LRP12: variants seen among roughly 807,000 people sequenced by gnomAD.
LRP12 encodes the protein low-density lipoprotein receptor-related protein 12.
In LRP12, 14 loss-of-function variants were observed where a neutral mutation model predicts 66.0. The ratio of observed to expected loss-of-function variants is 0.21; its 90% CI spans 0.14 to 0.33. The LOEUF (loss-of-function observed/expected upper bound fraction) is 0.33, where lower values mean the gene tolerates loss of function less well. Ranked by LOEUF, LRP12 falls within the 10% of genes least tolerant of loss-of-function variation. LRP12 has a pLI of 1.00. For synonymous variants in LRP12, 357 were observed against 359.1 expected (o/e 0.99, Z 0.07); for missense variants, 889 against 1,053.4 (o/e 0.84, Z 2.16).
chr8:104,558,013 C>T (rs562363735), intron 1 of LRP12, among the ~76,000 whole-genome samples: 1 of 152,228 alleles, frequency 6.6e-6, no homozygotes, highest in Admixed American at 6.5e-5. Flanking sequence ...AGTTCAAGAC[C>T]AGCCTGGCCA....
chr8:104,511,926 T>G (rs1811005333), intron 2 of LRP12, among the ~76,000 whole-genome samples: 1 of 152,096 alleles, frequency 6.6e-6, no homozygotes, highest in Non-Finnish European at 1.5e-5. Flanking sequence ...TGCTGCTGTT[T>G]CGTTAGTAAA....
intron 1 of LRP12, among the ~76,000 whole-genome samples, chr8:104,547,011 C>A (rs1811574683): frequency 7.8e-5 from 11 of 141,702 alleles, no homozygotes. Context: ...ATTATATATT[C>A]TGTATATAAT....
intron 2 of LRP12, among the ~76,000 whole-genome samples, chr8:104,509,676 G>A (rs1459505164): frequency 6.6e-6 from 1 of 152,170 alleles, no homozygotes; most frequent in Non-Finnish European, 1.5e-5. Flanking sequence ...CTTCCATTAA[G>A]TGAAAAGGTG....
Position 104,588,956 on chromosome 8 carries a change from G to T in LRP12, c.-59C>A. 8.7e-7 allele frequency: 1 copy of T among 1,154,848 alleles called. No homozygotes were observed. Among genetic ancestry groups the T allele is most frequent in the Non-Finnish European group, 1.2e-6 (1 of 827,040 alleles). 71.5% of individuals were successfully genotyped at this position (1,154,848 alleles called of 1,614,324 possible). ...GGAGGAGGAGGGAGGAGAAGCTGGA[G>T]GTAGACGACGCCGACGCCGCCGCCG... is the stretch of plus-strand genomic sequence containing the variant. On this transcript the variant is annotated 5_prime_UTR_variant, in exon 1 of 7. Transcript: ENST00000276654.
chr8:104,549,649 G>T (rs948637042), intron 1 of LRP12, among the ~76,000 whole-genome samples: 5 of 152,004 alleles, frequency 3.3e-5, no homozygotes, highest in Admixed American at 3.3e-4. Flanking sequence ...TGATCCGCCC[G>T]CCTCGGCCTC....
chr8:104,547,082 T>C (rs1375150587), intron 1 of LRP12, among the ~76,000 whole-genome samples: 1 of 145,002 alleles, frequency 6.9e-6, no homozygotes, highest in African/African-American at 2.5e-5. Flanking sequence ...AATATACAAT[T>C]CTATATCATA....
At chr8:104,580,248 G>C (rs1474638305) in intron 1 of LRP12, among the ~76,000 whole-genome samples, 1 of 151,920 alleles carries the variant, frequency 6.6e-6, no homozygotes, top group East Asian at 1.9e-4. Flanking sequence ...TGGGTGCGGT[G>C]GCTCACGCCT....
chr8:104,503,735 C>A (rs2140838247), intron 3 of LRP12, among the ~76,000 whole-genome samples: 1 of 152,264 alleles, frequency 6.6e-6, no homozygotes, highest in South Asian at 2.1e-4. Flanking sequence ...TATCTGTGAT[C>A]TTTAAGTTTG....
chr8:104,499,029 G>A (rs965617392), intron 4 of LRP12, among the ~76,000 whole-genome samples: 10 of 152,118 alleles, frequency 6.6e-5, no homozygotes, highest in African/African-American at 1.7e-4. Context: ...CTGGATATGC[G>A]TAAGCACTTG....
intron 6 of LRP12, 57 bp downstream of exon 6, chr8:104,495,020 C>G: frequency 6.5e-7 from 1 of 1,531,982 alleles, no homozygotes; most frequent in East Asian, 2.3e-5. Flanking sequence ...ATCATATATA[C>G]AGGCGCAGAT....
Position 104,513,045 on chromosome 8 carries a change from A to G in LRP12, c.137-3971T>C, listed in dbSNP as rs367587552. ...GACTGAATTTGGAATCTGGCTTCAG[A>G]TCTAGCCAGTGGCTTTTTTTCAACC... On this transcript the variant is annotated intron_variant, in intron 2 of 6. Coordinates refer to ENST00000276654, the MANE Select transcript of LRP12 (RefSeq NM_013437.5). 2.6e-5 allele frequency among the ~76,000 whole-genome samples: 4 copies of G among 152,306 alleles called. No homozygotes were observed. In the East Asian group the frequency reaches 5.8e-4, roughly 22 times the overall value.
chr8:104,550,410 T>G (rs952951750), intron 1 of LRP12, among the ~76,000 whole-genome samples: 2 of 152,178 alleles, frequency 1.3e-5, no homozygotes, highest in African/African-American at 4.8e-5. Context: ...AAGGAGGTGT[T>G]AGTCCAATTT....
rs767146133 is a variant in LRP12, at chr8:104,497,004, A to G, written c.1548T>C (p.Cys516=). The G allele has an allele frequency of 6.5e-7, 1 of 1,545,304 alleles. No homozygotes were observed. Among genetic ancestry groups the G allele is most frequent in the African/African-American group, 1.4e-5 (1 of 72,504 alleles). Residue 516 remains cysteine, a synonymous_variant, in exon 5 of 7, where the codon TGT becomes TGC. Transcript: ENST00000276654. The surrounding 1 kb of genome is among the most constrained non-coding windows in gnomAD (Gnocchi z 4.3). ...CAAACATTCTCAGAGAATAAAGCTT[A>G]CAAGTACATCCCAATGCTATGACGA... The part of the protein sequence containing the change: ...LLLVIALGCT[C]KLYSLRMFER...
chr8:104,521,813 T>C (rs2140854062), intron 2 of LRP12, among the ~76,000 whole-genome samples: 1 of 152,084 alleles, frequency 6.6e-6, no homozygotes, highest in East Asian at 1.9e-4. Context: ...GACATTTTTA[T>C]AACACTGGTC....
chr8:104,531,936 T>A lies in LRP12; in HGVS notation c.107A>T (p.Glu36Val). Residue 36 changes from glutamate (E) to valine (V), a missense_variant, in exon 2 of 7, where the codon GAA becomes GTA. Glu to Val is a moderately radical substitution (Grantham distance 121). Coordinates refer to ENST00000276654, the MANE Select transcript of LRP12 (RefSeq NM_013437.5). ...YGNGALAEHS[E>V]NVHISGVSTA... ...TGACACTCCTGAAATATGCACATTT[T>A]CAGAATGTTCTGCAAGAGCACCATT... 1.9e-6 allele frequency: 3 copies of A among 1,592,314 alleles called. No individual in the cohort carries two copies. The highest frequency in any genetic ancestry group is 1.7e-6 in the Non-Finnish European group (2 of 1,171,028).
At chr8:104,587,617 T>C (rs182179175) in intron 1 of LRP12, among the ~76,000 whole-genome samples, 1 of 152,328 alleles carries the variant, frequency 6.6e-6, no homozygotes, top group East Asian at 1.9e-4. Context: ...CGTTCATTAA[T>C]TCTTCATTTA....
At chr8:104,501,825 A>T (rs1310224240) in intron 3 of LRP12, among the ~76,000 whole-genome samples, 1 of 152,010 alleles carries the variant, frequency 6.6e-6, no homozygotes, top group African/African-American at 2.4e-5. Context: ...CAGAAGTTTT[A>T]AATTTTAGTC....
chr8:104,518,809 G>T (rs1811108013), intron 2 of LRP12, among the ~76,000 whole-genome samples: 1 of 151,910 alleles, frequency 6.6e-6, no homozygotes, highest in Non-Finnish European at 1.5e-5. Context: ...AGATGCTTAG[G>T]GCAAGGAGTA....
rs770451385 is a variant in LRP12 at position 104,497,271 on chromosome 8, A to G, written c.1281T>C (p.Tyr427=). 3 of 1,614,080 alleles carry G rather than the reference A, an allele frequency of 1.9e-6. No individual in the cohort carries two copies. The highest frequency in any genetic ancestry group is 2.7e-5 in the African/African-American group (2 of 74,926). ...EFPCSRNGVC[Y]PRSDRCNYQN... is the part of the protein sequence containing the mutation. The stretch of plus-strand genomic sequence containing the variant: ...GGTAGTTGCAGCGATCAGAACGAGG[A>G]TAACAGACACCATTTCGGGAACATG... Residue 427 remains tyrosine, a synonymous_variant, in exon 5 of 7, where the codon TAT becomes TAC. Coordinates refer to ENST00000276654, the MANE Select transcript of LRP12 (RefSeq NM_013437.5). The surrounding 1 kb of genome is among the most constrained non-coding windows in gnomAD (Gnocchi z 4.3).
Sources: gnomAD v4.1 joint callset for allele counts (sites outside exome capture counted in the v4.1 genomes callset) on GRCh38, gnomAD v4.1.1 for gene constraint, Gnocchi (gnomAD v3.1) non-coding constraint, MANE v1.5 for transcripts, NCBI Gene and HGNC (gene_info 2026-07-23, HGNC 2026-07-21) for gene names.